NFU1: variants seen among roughly 807,000 people sequenced by gnomAD.
NFU1 encodes the protein NFU1 iron-sulfur cluster scaffold homolog, mitochondrial.
NFU1 carries 30 observed loss-of-function variants against 32.2 expected under a neutral mutation model. That is an observed-to-expected ratio of 0.93 (90% CI 0.70 to 1.26). The LOEUF (loss-of-function observed/expected upper bound fraction) is 1.26. NFU1 is among the 50% of genes most tolerant of loss of function. The pLI is 0.00. For missense variants in NFU1, 306 were observed against 306.6 expected (o/e 1.00, Z 0.02); for synonymous variants, 112 against 104.6 (o/e 1.07, Z -0.43).
At chr2:69,439,006 C>CT (rs1673958286), upstream of NFU1, among the ~76,000 whole-genome samples, 1 of 151,490 alleles carries the variant, frequency 6.6e-6, no homozygotes, top group Non-Finnish European at 1.5e-5. Context: ...TTGGAACAAT[C>CT]GTTCTTCTCA....
chr2:69,424,616 T>C (rs1199821519), intron 2 of NFU1, among the ~76,000 whole-genome samples: 2 of 152,084 alleles, frequency 1.3e-5, no homozygotes, highest in African/African-American at 4.8e-5. Flanking sequence ...ATAGTTGTGT[T>C]ATGAAACAGA....
At chr2:69,406,641 G>C (rs1262393035) in intron 5 of NFU1, among the ~76,000 whole-genome samples, 1 of 152,168 alleles carries the variant, frequency 6.6e-6, no homozygotes, top group Non-Finnish European at 1.5e-5. Context: ...GGTGATCACA[G>C]CTCACTGCAG....
intron 7 of NFU1, among the ~76,000 whole-genome samples, chr2:69,398,530 C>T (rs1191681487): frequency 6.6e-6 from 1 of 152,170 alleles, no homozygotes; most frequent in Non-Finnish European, 1.5e-5. Flanking sequence ...TAAACAAACA[C>T]ATACTTAGCA....
intron 7 of NFU1, among the ~76,000 whole-genome samples, chr2:69,396,658 A>T (rs111525699): frequency 1.0e-3 from 155 of 152,314 alleles, no homozygotes; most frequent in African/African-American, 3.0e-3. Context: ...GTCTCAAAAA[A>T]AAAATAAAAT....
At chr2:69,414,599 CAG>C (rs1672991186) in intron 5 of NFU1, among the ~76,000 whole-genome samples, 1 of 113,434 alleles carries the variant, frequency 8.8e-6, no homozygotes, top group African/African-American at 3.5e-5. Flanking sequence ...ACTGGGGTGA[CAG>C]AGTGAGAGTC....
chr2:69,403,531 C>T (rs1218148202), intron 6 of NFU1, among the ~76,000 whole-genome samples: 1 of 152,024 alleles, frequency 6.6e-6, no homozygotes, highest in African/African-American at 2.4e-5. Flanking sequence ...ACTACAGGTG[C>T]ACACCACCAC....
intron 4 of NFU1, chr2:69,416,174 T>C (rs1221642311): frequency 6.6e-6 from 1 of 151,232 alleles, no homozygotes; most frequent in Non-Finnish European, 1.5e-5. Flanking sequence ...ACCTATGCAA[T>C]GGCAACCACT....
In NFU1 at chr2:69,417,385, G is replaced by A. The variant is rs569986821; in HGVS notation, c.370-2086C>T. On this transcript the variant is annotated intron_variant, in intron 4 of 7. Transcript: ENST00000410022. The stretch of plus-strand genomic sequence containing the variant: ...GGGCCAGGCGTGGTGGCTCACACCT[G>A]TAATCCCAACATTTTGGGAGGCCGA... 4.0e-5 allele frequency among the ~76,000 whole-genome samples: 6 copies of A among 151,696 alleles called. No individual in the cohort carries two copies. The South Asian group carries it at 1.2e-3, about 32-fold the overall frequency.
chr2:69,404,696 T>G (rs1453228312), intron 6 of NFU1, among the ~76,000 whole-genome samples: 3 of 139,022 alleles, frequency 2.2e-5, no homozygotes, highest in African/African-American at 5.3e-5. Context: ...CTTGGCTGAC[T>G]GCAACCTCCG....
intron 7 of NFU1, chr2:69,399,360 T>A: frequency 2.2e-6 from 1 of 456,150 alleles, no homozygotes; most frequent in Non-Finnish European, 4.4e-6. Flanking sequence ...TTATTACTGA[T>A]GACAAGGTGC....
chr2:69,406,753 G>C (rs1387889184), intron 5 of NFU1, among the ~76,000 whole-genome samples: 1 of 152,032 alleles, frequency 6.6e-6, no homozygotes, highest in African/African-American at 2.4e-5. Context: ...TTTATTTTCT[G>C]TAGAGATGGG....
In NFU1 at chr2:69,398,338, T is replaced by TG. The variant is rs541031917; in HGVS notation, c.720+2025dup. 4.6e-5 allele frequency among the ~76,000 whole-genome samples: 7 copies of TG among 151,934 alleles called. No homozygotes were observed. The East Asian group carries it at 1.2e-3, about 25-fold the overall frequency. On this transcript the variant is annotated intron_variant, in intron 7 of 7. Transcript: ENST00000410022. ...TGTCAAAGAAGAACTTAATTCCAAGTGGGGGATGGATAAAAACTTCAAAGA... is the reference window on the plus strand; with the variant it reads ...TGTCAAAGAAGAACTTAATTCCAAGTGGGGGGATGGATAAAAACTTCAAAGA...
At chr2:69,417,731 T>C (rs1673103819) in intron 4 of NFU1, among the ~76,000 whole-genome samples, 1 of 152,106 alleles carries the variant, frequency 6.6e-6, no homozygotes, top group South Asian at 2.1e-4. Context: ...TGGGATATTA[T>C]CTATTGGTTA....
intron 7 of NFU1, among the ~76,000 whole-genome samples, chr2:69,397,855 A>T (rs1007895778): frequency 9.3e-5 from 14 of 150,504 alleles, no homozygotes; most frequent in Non-Finnish European, 1.3e-4. Context: ...TGGAGGCTGC[A>T]GTGAGCCAAG....
chr2:69,403,476 A>G (rs1672591328), intron 6 of NFU1, among the ~76,000 whole-genome samples: 1 of 151,474 alleles, frequency 6.6e-6, no homozygotes, highest in Non-Finnish European at 1.5e-5. Flanking sequence ...CTGCAGCCTC[A>G]ATCTCCCGGG....
At chr2:69,405,957 C>A in intron 6 of NFU1, 65 bp downstream of exon 6, 2 of 1,022,558 alleles carry the variant, frequency 2.0e-6, no homozygotes, top group Non-Finnish European at 3.1e-6. Context: ...CCAACTAAAA[C>A]TATATTGCTA....
chr2:69,410,999 T>C (rs1672860553), intron 5 of NFU1: 1 of 151,998 alleles, frequency 6.6e-6, no homozygotes, highest in Non-Finnish European at 1.5e-5. Flanking sequence ...TACTAATTGT[T>C]ACAGAGATAT....
chr2:69,403,304 A>C (rs1672585989), intron 6 of NFU1, among the ~76,000 whole-genome samples: 1 of 152,134 alleles, frequency 6.6e-6, no homozygotes, highest in African/African-American at 2.4e-5. Flanking sequence ...TTTTGAGTTT[A>C]TATTACCATT....
In NFU1 at chr2:69,400,353, T is replaced by C. The variant is rs774847302; in HGVS notation, c.720+11A>G. 4 of 1,610,636 alleles carry C rather than the reference T, an allele frequency of 2.5e-6. No homozygotes were observed. The highest frequency in any genetic ancestry group is 1.7e-5 in the Admixed American group (1 of 59,978). On this transcript the variant is annotated intron_variant, in intron 7 of 7. Coordinates refer to ENST00000410022, the MANE Select transcript of NFU1 (RefSeq NM_001002755.4). The stretch of plus-strand genomic sequence containing the variant: ...GAAAAAAATCTAGACTGTCATATAA[T>C]ATTGGCATACCTGTTCTACGCCTTC...
Sources: gnomAD v4.1 joint callset for allele counts (sites outside exome capture counted in the v4.1 genomes callset) on GRCh38, gnomAD v4.1.1 for gene constraint, MANE v1.5 for transcripts, NCBI Gene and HGNC (gene_info 2026-07-23, HGNC 2026-07-21) for gene names.